The following IFRD1 variants were observed in gnomAD, a reference collection of about 807,000 sequenced individuals.
IFRD1 encodes the protein interferon-related developmental regulator 1.
Under a neutral mutation model 52.9 loss-of-function variants are expected in IFRD1, and 35 were observed. The observed-to-expected ratio is 0.66, with a 90% confidence interval of 0.51 to 0.88. The LOEUF (loss-of-function observed/expected upper bound fraction) is 0.88. Among genes scored for constraint, IFRD1 ranks in the 40% least tolerant of loss-of-function variants. IFRD1 has a pLI of 0.00. For synonymous variants in IFRD1, 184 were observed against 188.4 expected (o/e 0.98, Z 0.19); for missense variants, 517 against 550.8 (o/e 0.94, Z 0.61).
upstream of IFRD1, among the ~76,000 whole-genome samples, chr7:112,447,380 A>C (rs1443758463): frequency 6.6e-6 from 1 of 152,248 alleles, no homozygotes; most frequent in African/African-American, 2.4e-5. Context: ...TTAGAGCATG[A>C]GAGTATTTTG....
intron 8 of IFRD1, among the ~76,000 whole-genome samples, chr7:112,466,575 G>A (rs1210073359): frequency 6.6e-6 from 1 of 152,076 alleles, no homozygotes. Flanking sequence ...AAATGTCTCA[G>A]ACATAGTCAG....
intron 1 of IFRD1, among the ~76,000 whole-genome samples, chr7:112,442,609 G>T (rs919404681): frequency 6.6e-6 from 1 of 152,144 alleles, no homozygotes; most frequent in Non-Finnish European, 1.5e-5. Context: ...CCCTGGGGGT[G>T]GGCAGTGAAA....
In IFRD1 at chr7:112,462,016, C is replaced by G. The variant is rs79480470; in HGVS notation, c.634C>G (p.Leu212Val). Residue 212 changes from leucine (L) to valine (V), a missense_variant, in exon 7 of 12, where the codon CTG becomes GTG. Physicochemically the swap from Leu to Val is conservative, Grantham distance 32. Coordinates refer to ENST00000403825, the MANE Select transcript of IFRD1 (RefSeq NM_001550.4). ...TATGCATTAGGAACTATACTCAACTCTGGAATGTTTGGAAAATATCTTCAC... is the reference window on the plus strand; with the variant it reads ...TATGCATTAGGAACTATACTCAACTGTGGAATGTTTGGAAAATATCTTCAC... Reference protein sequence around the residue: ...TDDITELYSTLECLENIFTKS... With the variant: ...TDDITELYSTVECLENIFTKS... 2,990 of 1,612,418 alleles carry G rather than the reference C, an allele frequency of 1.9e-3. 66 individuals are homozygous for G. In the Admixed American group the frequency reaches 0.034, roughly 19 times the overall value.
upstream of IFRD1, chr7:112,446,120 A>G (rs1187505918): frequency 6.5e-6 from 1 of 154,730 alleles, no homozygotes; most frequent in Admixed American, 6.5e-5. Flanking sequence ...TTCATTCAGT[A>G]AATGTGTTTT....
intron 1 of IFRD1, among the ~76,000 whole-genome samples, chr7:112,438,422 G>C (rs1225965930): frequency 6.6e-6 from 1 of 152,202 alleles, no homozygotes; most frequent in Non-Finnish European, 1.5e-5. Flanking sequence ...GGTGAGGAGA[G>C]AGGTAGATCA....
At chr7:112,474,641 T>C (rs1304940974) in intron 11 of IFRD1, among the ~76,000 whole-genome samples, 1 of 152,216 alleles carries the variant, frequency 6.6e-6, no homozygotes, top group African/African-American at 2.4e-5. Flanking sequence ...TACTCTTATA[T>C]TGGAGACGAT....
intron 1 of IFRD1, among the ~76,000 whole-genome samples, chr7:112,426,720 T>C (rs1794437232): frequency 6.6e-6 from 1 of 152,140 alleles, no homozygotes; most frequent in African/African-American, 2.4e-5. Flanking sequence ...TAGAACAGAC[T>C]CTTTGAGTCT....
intron 9 of IFRD1, among the ~76,000 whole-genome samples, chr7:112,468,908 T>A (rs1455837495): frequency 6.6e-6 from 1 of 152,242 alleles, no homozygotes; most frequent in East Asian, 1.9e-4. Flanking sequence ...TCTTCTGTAA[T>A]CCTCAAACCT....
chr7:112,442,878 T>C (rs1326384190), intron 1 of IFRD1, among the ~76,000 whole-genome samples: 2 of 152,104 alleles, frequency 1.3e-5, no homozygotes, highest in African/African-American at 4.8e-5. Flanking sequence ...CCCTGAAGAG[T>C]TGTGTGAGTT....
chr7:112,470,656 G>A (rs182014836), intron 9 of IFRD1, among the ~76,000 whole-genome samples: 2 of 152,266 alleles, frequency 1.3e-5, no homozygotes, highest in East Asian at 3.9e-4. Flanking sequence ...ATGAGGCATT[G>A]GTTCCAGGAT....
chr7:112,471,216 A>G (rs924968547), intron 9 of IFRD1, among the ~76,000 whole-genome samples: 2 of 152,138 alleles, frequency 1.3e-5, no homozygotes, highest in African/African-American at 2.4e-5. Flanking sequence ...GTCCTCTTTT[A>G]CACCTCTAAT....
At chr7:112,472,111 T>C (rs1000651042) in intron 9 of IFRD1, 108 bp from the exon 10 acceptor site, 79 of 1,118,422 alleles carry the variant, frequency 7.1e-5, no homozygotes, top group Middle Eastern at 3.9e-4. Flanking sequence ...TTAAGCCATA[T>C]TGTTCATTTA....
intron 1 of IFRD1, among the ~76,000 whole-genome samples, chr7:112,432,489 T>A (rs1248497701): frequency 1.3e-5 from 2 of 152,252 alleles, no homozygotes; most frequent in Non-Finnish European, 2.9e-5. Flanking sequence ...TGAAAAATAC[T>A]GATAATCAGT....
intron 1 of IFRD1, among the ~76,000 whole-genome samples, chr7:112,436,094 G>C (rs951676847): frequency 2.0e-5 from 3 of 151,918 alleles, no homozygotes; most frequent in Non-Finnish European, 2.9e-5. Context: ...TGTTGGCCAG[G>C]CTGGTCTCAA....
chr7:112,424,257 G>T (rs904372991), intron 1 of IFRD1, among the ~76,000 whole-genome samples: 3 of 152,102 alleles, frequency 2.0e-5, no homozygotes, highest in Non-Finnish European at 4.4e-5. Flanking sequence ...TCTCCAGGTG[G>T]CAGAGAGTTC....
intron 1 of IFRD1, chr7:112,435,346 A>G (rs1313441180): frequency 1.3e-5 from 2 of 152,196 alleles, no homozygotes; most frequent in Admixed American, 1.3e-4. Flanking sequence ...TCCCAGGACA[A>G]TGAGTCATTA....
At position 112,468,156 on chromosome 7, in the gene IFRD1, T is replaced by G. The variant is rs772087357; in HGVS notation, c.1041+41T>G. The G allele has an allele frequency of 9.4e-6, 15 of 1,599,574 alleles. No individual in the cohort carries two copies. In the South Asian group the frequency reaches 1.7e-4, roughly 18 times the overall value. On this transcript the variant is annotated intron_variant, in intron 9 of 11. Coordinates refer to ENST00000403825, the MANE Select transcript of IFRD1 (RefSeq NM_001550.4). The stretch of plus-strand genomic sequence containing the variant: ...GCTGTAATAGCTTCTCATTTTGAAA[T>G]TGGATTGTTTCAGGCTGAACTTGAC...
chr7:112,459,013 C>G lies in IFRD1; in HGVS notation c.562C>G (p.Gln188Glu). 6.2e-7 allele frequency: 1 copy of G among 1,612,358 alleles called. No individual in the cohort carries two copies. Among genetic ancestry groups the G allele is most frequent in the African/African-American group, 1.3e-5 (1 of 74,966 alleles). Residue 188 changes from glutamine to glutamate, a missense_variant, in exon 5 of 12, where the codon CAA (glutamine) becomes GAA (glutamate). Transcript: ENST00000403825. ...CDGSASMQARQTCATCFGVCC... is the reference protein window; with the variant it reads ...CDGSASMQARETCATCFGVCC... ...TGGGTCAGCTAGTATGCAGGCTAGG[C>G]AAACTGTAAGTATAAGATATTTACA...
chr7:112,427,705 T>A (rs1244896973), intron 1 of IFRD1, among the ~76,000 whole-genome samples: 1 of 152,230 alleles, frequency 6.6e-6, no homozygotes, highest in Admixed American at 6.5e-5. Flanking sequence ...ACCCCAGAAC[T>A]ATCTCTTATC....
Sources: gnomAD v4.1 joint callset for allele counts (sites outside exome capture counted in the v4.1 genomes callset) on GRCh38, gnomAD v4.1.1 for gene constraint, MANE v1.5 for transcripts, NCBI Gene and HGNC (gene_info 2026-07-23, HGNC 2026-07-21) for gene names.